TMEFF2: variants seen among roughly 807,000 people sequenced by gnomAD.
The protein encoded by TMEFF2 is transmembrane protein with EGF like and two follistatin like domains 2, also known as tomoregulin-2.
TMEFF2 carries 28 observed loss-of-function variants against 53.8 expected under a neutral mutation model. The ratio of observed to expected loss-of-function variants is 0.52; its 90% CI spans 0.39 to 0.71. The LOEUF (loss-of-function observed/expected upper bound fraction) is 0.71. Among genes scored for constraint, TMEFF2 ranks in the 30% least tolerant of loss-of-function variants. The pLI is 0.00. For synonymous variants in TMEFF2, 162 were observed against 166.3 expected, an observed-to-expected ratio of 0.97 and a Z score of 0.20; for missense variants, 353 against 455.2, an observed-to-expected ratio of 0.78 and a Z score of 2.04.
At chr2:192,087,935 C>G (rs1467992041) in intron 4 of TMEFF2, among the ~76,000 whole-genome samples, 1 of 152,094 alleles carries the variant, frequency 6.6e-6, no homozygotes, top group African/African-American at 2.4e-5. Context: ...GAATTAAATG[C>G]TGGGAGGCAA....
chr2:192,085,548 G>T (rs905220794), intron 4 of TMEFF2, among the ~76,000 whole-genome samples: 1 of 152,096 alleles, frequency 6.6e-6, no homozygotes, highest in African/African-American at 2.4e-5. Flanking sequence ...CATATGAAGA[G>T]ATAAACTGGG....
rs79159518 is a variant in TMEFF2 at position 192,149,816 on chromosome 2, T to A, written c.439+29852A>T. Among the ~76,000 whole-genome samples the A allele has an allele frequency of 2.0e-5, 3 of 152,130 alleles. No individual in the cohort carries two copies. The East Asian group carries it at 5.8e-4, about 29-fold the overall frequency. ...TTACACGTACCATTACATATTTTCA[T>A]ACAATTTCTTGATGAAGGGATTGAC... On this transcript the variant is annotated intron_variant, in intron 4 of 9. Transcript: ENST00000272771.
intron 5 of TMEFF2, among the ~76,000 whole-genome samples, chr2:192,007,292 G>T (rs919863010): frequency 3.3e-5 from 5 of 152,196 alleles, no homozygotes; most frequent in African/African-American, 1.2e-4. Flanking sequence ...GCTGTCAGCA[G>T]AATTAATTTG....
chr2:191,964,410 T>TTCTTTCTTTC (rs1559063795), intron 7 of TMEFF2, among the ~76,000 whole-genome samples: 1,446 of 111,622 alleles, frequency 0.013, 10 homozygotes, highest in Non-Finnish European at 0.016. Flanking sequence ...CTTTCTTTCT[T>TTCTTTCTTTC]TCTTTCTTTC....
At chr2:192,171,588 C>T (rs1347530609) in intron 4 of TMEFF2, among the ~76,000 whole-genome samples, 2 of 151,998 alleles carry the variant, frequency 1.3e-5, no homozygotes, top group African/African-American at 2.4e-5. Context: ...CATCTTCTCA[C>T]TCATTTTAGC....
At chr2:191,959,623 C>CGT (rs201044088) in intron 7 of TMEFF2, among the ~76,000 whole-genome samples, 1,122 of 9,044 alleles carry the variant, frequency 0.12, 11 homozygotes, top group Non-Finnish European at 0.19. Context: ...CCAGTATGTA[C>CGT]ATGTGTGTGT....
chr2:191,962,230 T>C (rs1028066176), intron 7 of TMEFF2, among the ~76,000 whole-genome samples: 59 of 152,202 alleles, frequency 3.9e-4, no homozygotes, highest in South Asian at 4.1e-4. Context: ...GAAACTTTGC[T>C]AGTGAGGCAG....
intron 6 of TMEFF2, 121 bp from the exon 7 acceptor site, chr2:191,998,442 C>G (rs1686276820): frequency 3.2e-6 from 2 of 616,502 alleles, no homozygotes; most frequent in Non-Finnish European, 5.4e-6. Context: ...AACTGTAGTT[C>G]TAAGCAACCT....
intron 4 of TMEFF2, among the ~76,000 whole-genome samples, chr2:192,142,424 A>G (rs1456028486): frequency 6.6e-6 from 1 of 152,152 alleles, no homozygotes. Context: ...ATCTTTATAA[A>G]AAAGTTACAC....
At chr2:192,112,122 T>C (rs749198739) in intron 4 of TMEFF2, among the ~76,000 whole-genome samples, 1 of 152,120 alleles carries the variant, frequency 6.6e-6, no homozygotes. Context: ...CACTGCCTAG[T>C]GGAGCTGAGA....
chr2:192,053,000 T>C (rs1032964134), intron 5 of TMEFF2, among the ~76,000 whole-genome samples: 1 of 152,218 alleles, frequency 6.6e-6, no homozygotes, highest in Non-Finnish European at 1.5e-5. Flanking sequence ...TCCTTTCCTA[T>C]TGAGAGAACC....
chr2:191,993,202 C>A (rs1686147762), intron 7 of TMEFF2, among the ~76,000 whole-genome samples: 1 of 152,002 alleles, frequency 6.6e-6, no homozygotes, highest in South Asian at 2.1e-4. Context: ...TATCTAGATA[C>A]CCTTTCCAGA....
chr2:192,189,437 C>G (rs111767406), intron 2 of TMEFF2, among the ~76,000 whole-genome samples: 1 of 150,514 alleles, frequency 6.6e-6, no homozygotes, highest in Non-Finnish European at 1.5e-5. Context: ...CCCAGCTACT[C>G]GGGAGGCTGA....
chr2:192,020,109 T>C (rs1686828261), intron 5 of TMEFF2, among the ~76,000 whole-genome samples: 1 of 151,982 alleles, frequency 6.6e-6, no homozygotes, highest in Admixed American at 6.6e-5. Context: ...AAAAAAGAAA[T>C]TGTTCTGAAT....
intron 4 of TMEFF2, among the ~76,000 whole-genome samples, chr2:192,174,221 A>T (rs1690982531): frequency 6.6e-6 from 1 of 151,808 alleles, no homozygotes; most frequent in Admixed American, 6.6e-5. Flanking sequence ...TTCAGACAAA[A>T]GTTTGTAGCA....
chr2:192,039,345 G>A (rs1446835178), intron 5 of TMEFF2, among the ~76,000 whole-genome samples: 1 of 152,146 alleles, frequency 6.6e-6, no homozygotes, highest in East Asian at 1.9e-4. Flanking sequence ...CAGATTGGAT[G>A]TTCTAAACCC....
intron 7 of TMEFF2, among the ~76,000 whole-genome samples, chr2:191,991,310 TAAC>T (rs1332190027): frequency 1.3e-5 from 2 of 152,104 alleles, no homozygotes; most frequent in Non-Finnish European, 2.9e-5. Flanking sequence ...AATATATGTA[TAAC>T]AACTCTGAAC....
At chr2:192,135,735 A>G (rs1377851897) in intron 4 of TMEFF2, among the ~76,000 whole-genome samples, 1 of 151,952 alleles carries the variant, frequency 6.6e-6, no homozygotes, top group Non-Finnish European at 1.5e-5. Flanking sequence ...GCACATATAC[A>G]CCCAGATGGC....
chr2:192,015,622 A>G (rs1686727289), intron 5 of TMEFF2, among the ~76,000 whole-genome samples: 1 of 152,166 alleles, frequency 6.6e-6, no homozygotes, highest in Non-Finnish European at 1.5e-5. Flanking sequence ...GGGCAACTAT[A>G]TTTTTAAAAG....
Sources: allele counts gnomAD v4.1 joint callset (sites outside exome capture counted in the v4.1 genomes callset), GRCh38; gene constraint gnomAD v4.1.1; transcripts MANE v1.5; gene names NCBI Gene and HGNC (gene_info 2026-07-23, HGNC 2026-07-21).